Variants in OPCML observed in about 807,000 individuals in gnomAD.
OPCML encodes opioid-binding protein/cell adhesion molecule.
In OPCML, 13 loss-of-function variants were observed where a neutral mutation model predicts 37.8. The observed-to-expected ratio is 0.34, with a 90% CI of 0.22 to 0.55. The LOEUF (loss-of-function observed/expected upper bound fraction) is 0.55. OPCML is among the 20% of genes least tolerant of loss of function. The pLI, the probability that OPCML is intolerant of heterozygous loss-of-function variation, is 0.91. For synonymous variants in OPCML, 176 were observed against 168.8 expected (o/e 1.04, Z -0.33); for missense variants, 341 against 435.6 (o/e 0.78, Z 1.93).
intron 1 of OPCML, among the ~76,000 whole-genome samples, chr11:133,216,373 T>G (rs890388684): frequency 6.6e-6 from 1 of 152,198 alleles, no homozygotes; most frequent in East Asian, 1.9e-4. Flanking sequence ...AAGGTACCTC[T>G]TATGAGCCCT....
In OPCML at chr11:133,208,646, GCTGTTAAGCTT is replaced by G. The variant is rs766042068; in HGVS notation, c.62-265647_62-265637del. On this transcript the variant is annotated intron_variant, in intron 1 of 7. Coordinates refer to ENST00000524381, the MANE Select transcript of OPCML (RefSeq NM_001012393.5). The surrounding 1 kb of genome is among the most constrained non-coding windows in gnomAD (Gnocchi z 8.9). Reference sequence around the variant, plus strand: ...TCTCACCTCGAGTTATCCTTTGTCTGCTGTTAAGCTTCATGCACCTTCTCATGTCCATTTAC... The same window carrying G: ...TCTCACCTCGAGTTATCCTTTGTCTGCATGCACCTTCTCATGTCCATTTAC... 1.1e-4 allele frequency among the ~76,000 whole-genome samples: 17 copies of G among 152,168 alleles called. No individual in the cohort carries two copies. The highest frequency in any genetic ancestry group is 2.1e-4 in the South Asian group (1 of 4,824).
intron 1 of OPCML, among the ~76,000 whole-genome samples, chr11:133,148,665 C>A (rs533167282): frequency 6.6e-6 from 1 of 152,140 alleles, no homozygotes; most frequent in Non-Finnish European, 1.5e-5. Flanking sequence ...CTTCAGCGCT[C>A]GCTCCATCCC....
intron 1 of OPCML, among the ~76,000 whole-genome samples, chr11:133,350,266 A>T (rs183295982): frequency 6.6e-6 from 1 of 152,228 alleles, no homozygotes; most frequent in South Asian, 2.1e-4. Flanking sequence ...GTTTCTCTGT[A>T]CCCACACGCT....
chr11:132,779,358 A>T (rs2136145644), intron 2 of OPCML, among the ~76,000 whole-genome samples: 1 of 152,250 alleles, frequency 6.6e-6, no homozygotes, highest in East Asian at 1.9e-4. Context: ...ATTAGTCGAG[A>T]TAAGGGAATG....
chr11:132,495,878 G>C (rs549975898), intron 4 of OPCML, among the ~76,000 whole-genome samples: 1 of 145,104 alleles, frequency 6.9e-6, no homozygotes, highest in African/African-American at 2.6e-5. Context: ...CTGGGCAACA[G>C]AGTGAGACTC....
chr11:133,521,889 T>C (rs919699162), intron 1 of OPCML, among the ~76,000 whole-genome samples: 42 of 152,228 alleles, frequency 2.8e-4, no homozygotes, highest in African/African-American at 7.2e-4. Context: ...GAAATTCTCA[T>C]AGGGGCTTGG....
At chr11:132,637,562 T>G (rs1380022149) in intron 3 of OPCML, among the ~76,000 whole-genome samples, 1 of 152,218 alleles carries the variant, frequency 6.6e-6, no homozygotes, top group Admixed American at 6.5e-5. Context: ...TGAATTTTAT[T>G]TTTTTGGCTT....
At chr11:132,901,856 T>A (rs543629542) in intron 2 of OPCML, among the ~76,000 whole-genome samples, 1 of 152,010 alleles carries the variant, frequency 6.6e-6, no homozygotes, top group South Asian at 2.1e-4. Flanking sequence ...GATGTCTTCC[T>A]TAAAAATATA....
chr11:132,437,289 C>G lies in OPCML; in HGVS notation c.576G>C (p.Glu192Asp), dbSNP rs150578007. 3.7e-6 allele frequency: 6 copies of G among 1,614,230 alleles called. No individual in the cohort carries two copies. The African/African-American group carries it at 8.0e-5, about 22-fold the overall frequency. ...CATCGTTCAACGCGCTGCATTCGTA[C>G]TCCCCGGACTGGTCTCGCTTGATGT... The part of the protein sequence containing the change: ...ISDIKRDQSG[E>D]YECSALNDVA... The change falls in exon 5 of 8, where the codon GAG becomes GAC. Residue 192 changes from glutamate to aspartate, a missense_variant. Coordinates refer to ENST00000524381, the MANE Select transcript of OPCML (RefSeq NM_001012393.5).
chr11:132,922,118 T>C (rs556404134), intron 2 of OPCML, among the ~76,000 whole-genome samples: 2 of 152,196 alleles, frequency 1.3e-5, no homozygotes, highest in Non-Finnish European at 2.9e-5. Context: ...GACCTCGTGA[T>C]CCACCCGCCT....
At chr11:132,774,279 A>G (rs1448139269) in intron 2 of OPCML, among the ~76,000 whole-genome samples, 1 of 152,246 alleles carries the variant, frequency 6.6e-6, no homozygotes, top group Non-Finnish European at 1.5e-5. Flanking sequence ...ACACACTGAA[A>G]TAATTCCCAC....
At chr11:133,455,867 G>A in intron 1 of OPCML, among the ~76,000 whole-genome samples, 1 of 152,190 alleles carries the variant, frequency 6.6e-6, no homozygotes, top group East Asian at 1.9e-4. Context: ...AAATTTTGTG[G>A]TGTTTTTACT....
intron 3 of OPCML, among the ~76,000 whole-genome samples, chr11:132,593,711 C>T (rs1421950255): frequency 1.3e-5 from 2 of 152,076 alleles, no homozygotes; most frequent in African/African-American, 4.8e-5. Flanking sequence ...TCACCTGTGG[C>T]TTGGGTAAGA....
intron 1 of OPCML, among the ~76,000 whole-genome samples, chr11:133,527,602 C>G (rs1391399817): frequency 6.6e-6 from 1 of 152,258 alleles, no homozygotes; most frequent in Non-Finnish European, 1.5e-5. Context: ...CTCCAACATG[C>G]GAGTTGCCTT....
chr11:133,439,395 G>A (rs555986931), intron 1 of OPCML: 23 of 984,662 alleles, frequency 2.3e-5, no homozygotes, highest in East Asian at 1.1e-4. Flanking sequence ...GAAAAATTCC[G>A]TCTGTTTCAG....
intron 2 of OPCML, among the ~76,000 whole-genome samples, chr11:132,805,688 C>T (rs1938962233): frequency 6.6e-6 from 1 of 152,074 alleles, no homozygotes; most frequent in African/African-American, 2.4e-5. Context: ...GTTTCACAGG[C>T]AAGAGTGCAA....
intron 1 of OPCML, among the ~76,000 whole-genome samples, chr11:133,114,790 G>T (rs560260265): frequency 6.6e-6 from 1 of 152,316 alleles, no homozygotes; most frequent in East Asian, 1.9e-4. Flanking sequence ...GAAGTAGGAG[G>T]AGTTAAGAGT....
intron 1 of OPCML, among the ~76,000 whole-genome samples, chr11:133,524,673 G>T (rs1293633010): frequency 6.6e-6 from 1 of 152,262 alleles, no homozygotes; most frequent in Non-Finnish European, 1.5e-5. Flanking sequence ...AAAGTGTGCT[G>T]CTCCAGCTCT....
rs1049203892 is a variant in OPCML, at chr11:133,177,905, G to T, written c.62-234895C>A. 1.3e-5 allele frequency among the ~76,000 whole-genome samples: 2 copies of T among 152,206 alleles called. No individual in the cohort carries two copies. Among genetic ancestry groups the T allele is most frequent in the Non-Finnish European group, 2.9e-5 (2 of 68,034 alleles). The stretch of plus-strand genomic sequence containing the variant: ...GGAGGCTGACCCAGTGGGCCATCTG[G>T]CCTCTTTCAAGAGGCCTCTGTTCTT... On this transcript the variant is annotated intron_variant, in intron 1 of 7. Transcript: ENST00000524381. The surrounding 1 kb of genome is among the most constrained non-coding windows in gnomAD (Gnocchi z 5.0).
Sources: gnomAD v4.1 joint callset for allele counts (sites outside exome capture counted in the v4.1 genomes callset) on GRCh38, gnomAD v4.1.1 for gene constraint, Gnocchi (gnomAD v3.1) non-coding constraint, MANE v1.5 for transcripts, NCBI Gene and HGNC (gene_info 2026-07-23, HGNC 2026-07-21) for gene names.